Variants in MALL observed in about 807,000 individuals in gnomAD.
MALL encodes the protein MAL-like protein.
A neutral mutation model predicts 10.3 loss-of-function variants in MALL; 2 were observed. That is an observed-to-expected ratio of 0.19 (90% CI 0.08 to 0.61). MALL has a LOEUF of 0.61. Among genes scored for constraint, MALL ranks in the 20% least tolerant of loss-of-function variants. The pLI is 0.88. For missense variants in MALL, 39 were observed against 115.2 expected (o/e 0.34, Z 3.03); for synonymous variants, 27 against 51.8 (o/e 0.52, Z 2.05).
At chr2:110,101,088 C>T (rs1030983637) in intron 1 of MALL, among the ~76,000 whole-genome samples, 3 of 152,134 alleles carry the variant, frequency 2.0e-5, no homozygotes, top group Non-Finnish European at 4.4e-5. Context: ...CACCTGGGTG[C>T]TGCTTATAGC....
At chr2:110,097,552 G>A in intron 1 of MALL, 3 of 456,524 alleles carry the variant, frequency 6.6e-6, no homozygotes, top group Middle Eastern at 3.3e-4. Context: ...TGCTGCAGGG[G>A]CCGGGATCAC....
chr2:110,117,661 C>T (rs1195448883), upstream of MALL, among the ~76,000 whole-genome samples: 1 of 148,102 alleles, frequency 6.8e-6, no homozygotes, highest in African/African-American at 2.5e-5. Context: ...GAGAGAAACA[C>T]AAATGTGAAA....
chr2:110,099,042 A>G (rs1678506687), intron 1 of MALL, among the ~76,000 whole-genome samples: 1 of 152,022 alleles, frequency 6.6e-6, no homozygotes, highest in Admixed American at 6.6e-5. Context: ...GCTGTGCTTC[A>G]GACCCCATCA....
rs1419362652 is a variant in MALL at position 110,115,805 on chromosome 2, T to C, written c.-13A>G. ...CGGGCGAGGCCATGCTGTCAGCCCC[T>C]GCCGGGTGCTCCGCGGCAGCTCGCC... is the stretch of plus-strand genomic sequence containing the variant. On this transcript the variant is annotated 5_prime_UTR_variant, in exon 1 of 4. Coordinates refer to ENST00000272462, the MANE Select transcript of MALL (RefSeq NM_005434.5). 8.1e-7 allele frequency: 1 copy of C among 1,227,124 alleles called. No homozygotes were observed. Among genetic ancestry groups the C allele is most frequent in the Non-Finnish European group, 1.0e-6 (1 of 968,412 alleles). 76.0% of individuals were successfully genotyped at this position (1,227,124 alleles called of 1,614,324 possible).
Position 110,104,256 on chromosome 2 carries a change from C to T in MALL, c.105+11432G>A, listed in dbSNP as rs560956784. On this transcript the variant is annotated intron_variant, in intron 1 of 3. Coordinates refer to ENST00000272462, the MANE Select transcript of MALL (RefSeq NM_005434.5). Reference sequence around the variant, plus strand: ...AGCACTTATTATTCTCTGGATTGTTCAGTGACCCCTTTCTGTTCATCGAGC... The same window carrying T: ...AGCACTTATTATTCTCTGGATTGTTTAGTGACCCCTTTCTGTTCATCGAGC... Among the ~76,000 whole-genome samples the T allele has an allele frequency of 3.3e-5, 5 of 152,260 alleles. No homozygotes were observed. The South Asian group carries it at 1.0e-3, about 32-fold the overall frequency.
At chr2:110,107,069 T>A (rs1209163022) in intron 1 of MALL, among the ~76,000 whole-genome samples, 4 of 7,870 alleles carry the variant, frequency 5.1e-4, no homozygotes, top group African/African-American at 1.4e-3. Flanking sequence ...CAGGAGGGGG[T>A]GAGGGAGGGC....
At chr2:110,096,433 T>C (rs1275278853) in intron 1 of MALL, among the ~76,000 whole-genome samples, 2 of 152,092 alleles carry the variant, frequency 1.3e-5, no homozygotes, top group Non-Finnish European at 2.9e-5. Context: ...CTCTATCATC[T>C]GGCCCTTGTG....
upstream of MALL, among the ~76,000 whole-genome samples, chr2:110,117,740 T>C (rs1678950861): frequency 6.6e-6 from 1 of 151,724 alleles, no homozygotes; most frequent in East Asian, 1.9e-4. Flanking sequence ...TTTCTCAGAG[T>C]TCCAGGTACC....
At chr2:110,095,572 A>C (rs1172138652) in intron 1 of MALL, among the ~76,000 whole-genome samples, 1 of 152,100 alleles carries the variant, frequency 6.6e-6, no homozygotes, top group Non-Finnish European at 1.5e-5. Context: ...GAATATAATA[A>C]AATAAAATTT....
rs888801458 is a variant in MALL, at chr2:110,108,472, A to C, written c.105+7216T>G. ...CAAAGACAAGGTCTTTGAATTATTA[A>C]CCCAATCCAACAAAGACAAAGAAAA... On this transcript the variant is annotated intron_variant, in intron 1 of 3. Coordinates refer to ENST00000272462, the MANE Select transcript of MALL (RefSeq NM_005434.5). Among the ~76,000 whole-genome samples, 5 of 151,544 alleles carry C rather than the reference A, an allele frequency of 3.3e-5. No individual in the cohort carries two copies. In the South Asian group the frequency reaches 1.0e-3, roughly 32 times the overall value.
chr2:110,113,435 C>CAAA (rs58360665), intron 1 of MALL, among the ~76,000 whole-genome samples: 86 of 31,680 alleles, frequency 2.7e-3, no homozygotes, highest in Non-Finnish European at 3.2e-3. Context: ...GACTCTGTCT[C>CAAA]AAAAAAAAAA....
intron 1 of MALL, among the ~76,000 whole-genome samples, chr2:110,106,704 CAT>C (rs1678703559): frequency 6.6e-6 from 1 of 152,142 alleles, no homozygotes; most frequent in African/African-American, 2.4e-5. Flanking sequence ...ACCCAGCAAT[CAT>C]ACGGGGGCAT....
rs1385093681 is a variant in MALL, at chr2:110,108,492, AG to A, written c.105+7195del. The stretch of plus-strand genomic sequence containing the variant: ...TATTAACCCAATCCAACAAAGACAA[AG>A]AAAAAAAAAAAGAAAATATGAGCAA... On this transcript the variant is annotated intron_variant, in intron 1 of 3. Transcript: ENST00000272462. 1.5e-3 allele frequency among the ~76,000 whole-genome samples: 220 copies of A among 149,538 alleles called. 2 individuals carry two copies. The highest frequency in any genetic ancestry group is 5.4e-3 in the African/African-American group (210 of 39,082).
chr2:110,099,932 C>T (rs1049154164), intron 1 of MALL, among the ~76,000 whole-genome samples: 6 of 152,080 alleles, frequency 3.9e-5, no homozygotes, highest in African/African-American at 1.2e-4. Context: ...TCCCAGCCAG[C>T]GACAGCCCTT....
At chr2:110,099,357 T>C (rs1164253114) in intron 1 of MALL, among the ~76,000 whole-genome samples, 1 of 152,060 alleles carries the variant, frequency 6.6e-6, no homozygotes, top group East Asian at 1.9e-4. Flanking sequence ...GTGTATTAAT[T>C]TGGGGGTTAC....
chr2:110,114,126 G>A (rs1331177716), intron 1 of MALL, among the ~76,000 whole-genome samples: 2 of 151,990 alleles, frequency 1.3e-5, no homozygotes, highest in East Asian at 3.9e-4. Flanking sequence ...CAGAAACTCC[G>A]TGCCTCTAGC....
At chr2:110,116,120 C>A (rs930885440), upstream of MALL, 1 of 248,656 alleles carries the variant, frequency 4.0e-6, no homozygotes, top group Non-Finnish European at 7.7e-6. Flanking sequence ...AGCCACTCCC[C>A]TGGGCCCAGA....
At chr2:110,103,953 G>A (rs537044202) in intron 1 of MALL, among the ~76,000 whole-genome samples, 14 of 152,260 alleles carry the variant, frequency 9.2e-5, no homozygotes, top group Admixed American at 3.3e-4. Flanking sequence ...TCCTTGCTAG[G>A]TTCTGGCAGG....
chr2:110,110,816 T>G (rs1678788340), intron 1 of MALL, among the ~76,000 whole-genome samples: 1 of 152,066 alleles, frequency 6.6e-6, no homozygotes, highest in South Asian at 2.1e-4. Context: ...GCTAAAATCC[T>G]TAACAAAATA....
Sources: allele counts gnomAD v4.1 joint callset (sites outside exome capture counted in the v4.1 genomes callset), GRCh38; gene constraint gnomAD v4.1.1; transcripts MANE v1.5; gene names NCBI Gene and HGNC (gene_info 2026-07-23, HGNC 2026-07-21).